Variants in CNTNAP3 observed in about 807,000 individuals in gnomAD.
CNTNAP3 encodes contactin-associated protein-like 3.
A neutral mutation model predicts 92.1 loss-of-function variants in CNTNAP3; 36 were observed. The ratio of observed to expected loss-of-function variants is 0.39; its 90% CI spans 0.30 to 0.52. The LOEUF is 0.52. Among genes scored for constraint, CNTNAP3 ranks in the 20% least tolerant of loss-of-function variants. The probability of loss-of-function intolerance (pLI) is 0.76; values close to 1 mark genes in which losing one functional copy is unlikely to be tolerated. For synonymous variants in CNTNAP3, 232 were observed against 422.3 expected, an observed-to-expected ratio of 0.55 and a Z score of 5.53; for missense variants, 534 against 1,069.6, an observed-to-expected ratio of 0.50 and a Z score of 6.98.
At chr9:39,126,119 A>C (rs532971367) in intron 13 of CNTNAP3, among the ~76,000 whole-genome samples, 16 of 152,324 alleles carry the variant, frequency 1.1e-4, no homozygotes, top group African/African-American at 3.8e-4. Context: ...ACACTTTACC[A>C]AATTTAAAAG....
intron 13 of CNTNAP3, among the ~76,000 whole-genome samples, chr9:39,119,702 C>A (rs967234068): frequency 6.6e-6 from 1 of 151,954 alleles, no homozygotes; most frequent in Non-Finnish European, 1.5e-5. Flanking sequence ...CTTGTCTATC[C>A]CTGCTATTTC....
intron 14 of CNTNAP3, among the ~76,000 whole-genome samples, chr9:39,110,003 C>T (rs1388565307): frequency 1.3e-5 from 2 of 152,000 alleles, no homozygotes; most frequent in East Asian, 1.9e-4. Flanking sequence ...AAAATGAATC[C>T]CACAGATTCA....
rs1825532087 is a variant in CNTNAP3, at chr9:39,067,413, T to C, written c.*6477A>G. Among the ~76,000 whole-genome samples the C allele has an allele frequency of 1.3e-5, 2 of 152,428 alleles. No individual in the cohort carries two copies. Among genetic ancestry groups the C allele is most frequent in the African/African-American group, 4.8e-5 (2 of 41,608 alleles). The stretch of plus-strand genomic sequence containing the variant: ...TTTACCTCGTTGGGTGTTGGATTTT[T>C]TTTTGATGGAGTCTGGCTCTGTTGC... On this transcript the variant is annotated 3_prime_UTR_variant, in exon 24 of 24. Transcript: ENST00000297668.
intron 15 of CNTNAP3, 62 bp downstream of exon 15, chr9:39,109,098 C>G (rs1208138486): frequency 6.4e-7 from 1 of 1,559,624 alleles, no homozygotes; most frequent in Non-Finnish European, 8.7e-7. Flanking sequence ...GGGCATTTGT[C>G]TACTCTTTTA....
chr9:39,128,400 G>A (rs1274349941), intron 13 of CNTNAP3, among the ~76,000 whole-genome samples: 2 of 151,766 alleles, frequency 1.3e-5, no homozygotes, highest in Non-Finnish European at 2.9e-5. Flanking sequence ...ATACATTATG[G>A]CAAAATGGGA....
intron 18 of CNTNAP3, among the ~76,000 whole-genome samples, chr9:39,092,724 T>C (rs1826234094): frequency 7.3e-6 from 1 of 136,958 alleles, no homozygotes; most frequent in South Asian, 2.5e-4. Context: ...TACAGATGTG[T>C]GTTAGAATGA....
chr9:39,088,883 A>G (rs1244684210), intron 18 of CNTNAP3, among the ~76,000 whole-genome samples: 1 of 152,120 alleles, frequency 6.6e-6, no homozygotes, highest in Admixed American at 6.5e-5. Context: ...CACTTAATAG[A>G]GATTTTAATT....
chr9:39,155,487 TAAG>T lies in CNTNAP3; in HGVS notation c.1478-5513_1478-5511del, dbSNP rs1032810465. 8.8e-5 allele frequency: 13 copies of T among 147,058 alleles called. 1 individual carries two copies. The highest frequency in any genetic ancestry group is 3.0e-4 in the African/African-American group (12 of 40,258). The allele number at this position is 147,058 out of a possible 1,614,324, so 9.1% of individuals were successfully genotyped here. On this transcript the variant is annotated intron_variant, in intron 9 of 23. Coordinates refer to ENST00000297668, the MANE Select transcript of CNTNAP3 (RefSeq NM_033655.5). ...GGATTTGGTGGAACAAGTTTGATTT[TAAG>T]AACTAGAGCATGAGTCATCTCTGGT...
intron 2 of CNTNAP3, among the ~76,000 whole-genome samples, chr9:39,249,281 AG>A (rs1822797186): frequency 2.6e-5 from 1 of 37,766 alleles, no homozygotes; most frequent in African/African-American, 4.7e-5. Context: ...TACATAAAAA[AG>A]AATTGATTTT....
At chr9:39,142,845 G>T (rs1239756210) in intron 11 of CNTNAP3, among the ~76,000 whole-genome samples, 1 of 152,094 alleles carries the variant, frequency 6.6e-6, no homozygotes, top group Admixed American at 6.6e-5. Flanking sequence ...TTCCATGTAT[G>T]AACTGTGGTT....
chr9:39,076,934 GC>G (rs898401412), intron 23 of CNTNAP3, among the ~76,000 whole-genome samples: 19 of 152,350 alleles, frequency 1.2e-4, no homozygotes, highest in African/African-American at 3.9e-4. Context: ...TCCAGCCTTT[GC>G]GACGAGCGAG....
In CNTNAP3 at chr9:39,072,355, T is replaced by C. The variant is rs1324117673; in HGVS notation, c.*1535A>G. On this transcript the variant is annotated 3_prime_UTR_variant, in exon 24 of 24. Coordinates refer to ENST00000297668, the MANE Select transcript of CNTNAP3 (RefSeq NM_033655.5). The stretch of plus-strand genomic sequence containing the variant: ...CATCTCATTAGTCCTTGGTAGGCAG[T>C]TGGTATCTGGAATATGAAGAGTGTA... Among the ~76,000 whole-genome samples, 1 of 148,102 alleles carries C rather than the reference T, an allele frequency of 6.8e-6. No individual in the cohort carries two copies. The highest frequency in any genetic ancestry group is 2.5e-5 in the African/African-American group (1 of 39,502).
At chr9:39,141,598 A>G (rs1821576344) in intron 11 of CNTNAP3, among the ~76,000 whole-genome samples, 1 of 152,190 alleles carries the variant, frequency 6.6e-6, no homozygotes, top group Non-Finnish European at 1.5e-5. Context: ...TTTACCAAGT[A>G]CAAGGTATGG....
At chr9:39,151,290 C>T (rs1821836937) in intron 9 of CNTNAP3, among the ~76,000 whole-genome samples, 2 of 146,028 alleles carry the variant, frequency 1.4e-5, no homozygotes, top group Non-Finnish European at 3.0e-5. Flanking sequence ...CGCGGTGGCT[C>T]ATGCCTGTAA....
intron 18 of CNTNAP3, among the ~76,000 whole-genome samples, chr9:39,094,227 T>C (rs1826278244): frequency 6.6e-6 from 1 of 151,606 alleles, no homozygotes; most frequent in African/African-American, 2.4e-5. Context: ...TGTTGTTAAG[T>C]TGTGGAAGTT....
chr9:39,088,743 T>C lies in CNTNAP3; in HGVS notation c.2996-96A>G, dbSNP rs996207298. The stretch of plus-strand genomic sequence containing the variant: ...AGAGAATGAGACCAAACCTTAAATA[T>C]CCTGGGAGATAAAGTAATAGTGAAA... On this transcript the variant is annotated intron_variant, in intron 18 of 23. Transcript: ENST00000297668. The C allele has an allele frequency of 7.5e-6, 8 of 1,064,000 alleles. No homozygotes were observed. In the African/African-American group the frequency reaches 7.9e-5, roughly 10 times the overall value. The allele number at this position is 1,064,000 out of a possible 1,614,324, so 65.9% of individuals were successfully genotyped here.
intron 13 of CNTNAP3, among the ~76,000 whole-genome samples, chr9:39,121,750 TCAGAATA>T (rs1471926495): frequency 6.7e-6 from 1 of 149,704 alleles, no homozygotes; most frequent in Non-Finnish European, 1.5e-5. Flanking sequence ...CATCAAGTTC[TCAGAATA>T]AAGATAGGAA....
At chr9:39,113,426 T>G (rs763416561) in intron 14 of CNTNAP3, among the ~76,000 whole-genome samples, 10 of 152,170 alleles carry the variant, frequency 6.6e-5, no homozygotes, top group Non-Finnish European at 1.2e-4. Context: ...GGTAATTATT[T>G]TAAGATTTTA....
chr9:39,103,767 T>C lies in CNTNAP3; in HGVS notation c.2513A>G (p.Asp838Gly). ...GVFMENLGIT[D>G]FIRIELRAPT... The stretch of plus-strand genomic sequence containing the variant: ...ACCACGCAGCTCAATCCTGATGAAA[T>C]CTGTGATCCCCAGGTTCTCCATAAA... Residue 838 changes from aspartate (D) to glycine (G), a missense_variant, in exon 16 of 24, where the codon GAT (aspartate) becomes GGT (glycine). Coordinates refer to ENST00000297668, the MANE Select transcript of CNTNAP3 (RefSeq NM_033655.5). 1 of 1,610,874 alleles carries C rather than the reference T, an allele frequency of 6.2e-7. No individual in the cohort carries two copies. The highest frequency in any genetic ancestry group is 1.1e-5 in the South Asian group (1 of 90,288).
Sources: allele counts gnomAD v4.1 joint callset (sites outside exome capture counted in the v4.1 genomes callset), GRCh38; gene constraint gnomAD v4.1.1; transcripts MANE v1.5; gene names NCBI Gene and HGNC (gene_info 2026-07-23, HGNC 2026-07-21).